PPP6R3: variants seen among roughly 807,000 people sequenced by gnomAD.
PPP6R3 encodes the protein protein phosphatase 6 regulatory subunit 3.
In PPP6R3, 38 loss-of-function variants were observed where a neutral mutation model predicts 110.7. That is an observed-to-expected ratio of 0.34 (90% confidence interval 0.26 to 0.45). The LOEUF (loss-of-function observed/expected upper bound fraction) is 0.45, where lower values mean the gene tolerates loss of function less well. PPP6R3 is among the 20% of genes least tolerant of loss of function. The probability of loss-of-function intolerance (pLI) is 1.00; values close to 1 mark genes in which losing one functional copy is unlikely to be tolerated. For missense variants in PPP6R3, 870 were observed against 1,062.4 expected (o/e 0.82, Z 2.52); for synonymous variants, 369 against 373.5 (o/e 0.99, Z 0.14).
chr11:68,479,466 T>C (rs1484796747), intron 1 of PPP6R3, among the ~76,000 whole-genome samples: 4 of 152,214 alleles, frequency 2.6e-5, no homozygotes, highest in Non-Finnish European at 4.4e-5. Context: ...ACTTTTATAT[T>C]GTCATTCTTA....
intron 14 of PPP6R3, among the ~76,000 whole-genome samples, chr11:68,580,677 GT>G (rs1047813230): frequency 1.4e-5 from 2 of 144,756 alleles, no homozygotes; most frequent in African/African-American, 5.1e-5. Flanking sequence ...CAGGAATTCA[GT>G]TTTGTATACA....
intron 1 of PPP6R3, among the ~76,000 whole-genome samples, chr11:68,499,005 G>T (rs899753356): frequency 6.6e-6 from 1 of 152,168 alleles, no homozygotes; most frequent in African/African-American, 2.4e-5. Context: ...TAGCTGTGTA[G>T]AGATGTCTTA....
intron 4 of PPP6R3, 42 bp downstream of exon 4, chr11:68,545,066 T>C: frequency 6.8e-7 from 1 of 1,470,490 alleles, no homozygotes; most frequent in Admixed American, 1.8e-5. Flanking sequence ...GGGCTGATCA[T>C]CCCCTTGAGG....
Position 68,612,874 on chromosome 11 carries a change from G to A in PPP6R3, c.2571-192G>A, listed in dbSNP as rs550450788. The A allele has an allele frequency of 6.2e-6, 7 of 1,125,772 alleles. No individual in the cohort carries two copies. The South Asian group carries it at 9.6e-5, about 15-fold the overall frequency. The allele number at this position is 1,125,772 out of a possible 1,614,324, so 69.7% of individuals were successfully genotyped here. A position where few individuals can be genotyped will look rare whatever the true frequency, so the allele number is the denominator to read the frequency against. ...GAATGCCTGCTCACCCGGTGATGAA[G>A]CTTAGATGCACTCACTCAGATTTTT... On this transcript the variant is annotated intron_variant, in intron 23 of 23. Transcript: ENST00000393800.
intron 2 of PPP6R3, among the ~76,000 whole-genome samples, chr11:68,528,515 G>A (rs561835354): frequency 6.6e-6 from 1 of 151,444 alleles, no homozygotes; most frequent in South Asian, 2.1e-4. Context: ...TCTGTGTTTT[G>A]TGGTCTTTTT....
intron 5 of PPP6R3, among the ~76,000 whole-genome samples, chr11:68,549,340 C>CT (rs1453604456): frequency 6.6e-6 from 1 of 152,214 alleles, no homozygotes; most frequent in Non-Finnish European, 1.5e-5. Context: ...ACCTCAAGGA[C>CT]TAGGAGGGCC....
chr11:68,513,795 A>G (rs1044805364), intron 1 of PPP6R3, among the ~76,000 whole-genome samples: 2 of 152,262 alleles, frequency 1.3e-5, no homozygotes, highest in African/African-American at 4.8e-5. Flanking sequence ...CCACAAAAGT[A>G]CATTTTTAGT....
chr11:68,525,175 T>G (rs1266515632), intron 2 of PPP6R3, among the ~76,000 whole-genome samples: 3 of 152,214 alleles, frequency 2.0e-5, no homozygotes, highest in African/African-American at 7.2e-5. Context: ...AGAATTTTAG[T>G]TTTTTTCCAT....
rs1208527103 is a variant in PPP6R3, at chr11:68,615,150, G to A, written c.*2033G>A. The A allele has an allele frequency of 8.8e-6, 4 of 453,918 alleles. No individual in the cohort carries two copies. The highest frequency in any genetic ancestry group is 1.8e-5 in the Non-Finnish European group (4 of 225,220). The allele number at this position is 453,918 out of a possible 1,614,324, so 28.1% of individuals were successfully genotyped here. A position where few individuals can be genotyped will look rare whatever the true frequency, so the allele number is the denominator to read the frequency against. ...TAGCAGGGAAAGGATATGACAATGG[G>A]GAGGACAGTTCTTTTGGAGGTTGGA... On this transcript the variant is annotated 3_prime_UTR_variant, in exon 24 of 24. Coordinates refer to ENST00000393800, the MANE Select transcript of PPP6R3 (RefSeq NM_001164161.2).
At position 68,470,494 on chromosome 11, in the gene PPP6R3, G is replaced by A. The variant is rs36032837; in HGVS notation, c.-158+9667G>A. ...ATGGGGGAGATGGGGGGAGGGCGTA[G>A]GTCACACTGGCCATTGTTAAGATTT... On this transcript the variant is annotated intron_variant, in intron 1 of 23. Coordinates refer to ENST00000393800, the MANE Select transcript of PPP6R3 (RefSeq NM_001164161.2). Among the ~76,000 whole-genome samples the A allele has an allele frequency of 1.7e-3, 265 of 152,272 alleles. 3 individuals are homozygous for A. The East Asian group carries it at 0.042, about 24-fold the overall frequency.
At chr11:68,509,470 A>ATTT (rs34228704) in intron 1 of PPP6R3, among the ~76,000 whole-genome samples, 1,471 of 116,430 alleles carry the variant, frequency 0.013, 23 homozygotes, top group Non-Finnish European at 0.014. Flanking sequence ...TTACTTCTCT[A>ATTT]TTTTTTTTTT....
intron 3 of PPP6R3, among the ~76,000 whole-genome samples, chr11:68,542,399 T>TGTTTTTTTTTTTTTG (rs1565717453): frequency 2.7e-5 from 3 of 109,366 alleles, no homozygotes; most frequent in South Asian, 7.2e-4. Flanking sequence ...GTTTTTTTTT[T>TGTTTTTTTTTTTTTG]TTTTTTTTTT....
intron 4 of PPP6R3, among the ~76,000 whole-genome samples, chr11:68,546,106 A>C (rs932356164): frequency 6.6e-6 from 1 of 152,200 alleles, no homozygotes; most frequent in Non-Finnish European, 1.5e-5. Context: ...AGAAAGAGAT[A>C]TTTCTTTCTT....
At chr11:68,550,871 T>C (rs2153696040) in intron 5 of PPP6R3, 1 of 393,684 alleles carries the variant, frequency 2.5e-6, no homozygotes, top group South Asian at 5.7e-5. Flanking sequence ...GCTAAGAAGC[T>C]GATATATAGA....
At chr11:68,521,830 T>C (rs1210520754) in intron 2 of PPP6R3, among the ~76,000 whole-genome samples, 1 of 152,210 alleles carries the variant, frequency 6.6e-6, no homozygotes, top group Non-Finnish European at 1.5e-5. Flanking sequence ...AGCTCTCTCT[T>C]ACTAGTGAGA....
intron 1 of PPP6R3, among the ~76,000 whole-genome samples, chr11:68,478,668 T>TTTTTG (rs2098864677): frequency 7.3e-6 from 1 of 137,492 alleles, no homozygotes; most frequent in Non-Finnish European, 1.6e-5. Flanking sequence ...TTTTTTTTTT[T>TTTTTG]TTTTGAGAAG....
chr11:68,468,483 C>G (rs1205579096), intron 1 of PPP6R3, among the ~76,000 whole-genome samples: 1 of 152,160 alleles, frequency 6.6e-6, no homozygotes. Flanking sequence ...TTATTACACC[C>G]TTAGATGGAC....
At chr11:68,531,533 C>G (rs1030752568) in intron 2 of PPP6R3, among the ~76,000 whole-genome samples, 3 of 151,946 alleles carry the variant, frequency 2.0e-5, no homozygotes, top group Non-Finnish European at 4.4e-5. Context: ...CTCAAGCGAT[C>G]TGCCCATTTT....
At chr11:68,578,589 A>G (rs1295463455) in intron 14 of PPP6R3, among the ~76,000 whole-genome samples, 3 of 152,198 alleles carry the variant, frequency 2.0e-5, no homozygotes, top group East Asian at 1.9e-4. Flanking sequence ...TTAACCTGAC[A>G]TGTTATTTTT....
Sources: allele counts gnomAD v4.1 joint callset (sites outside exome capture counted in the v4.1 genomes callset), GRCh38; gene constraint gnomAD v4.1.1; transcripts MANE v1.5; gene names NCBI Gene and HGNC (gene_info 2026-07-23, HGNC 2026-07-21).